The following PTPRU variants were observed in gnomAD, a reference collection of about 807,000 sequenced individuals.
The protein encoded by PTPRU is receptor-type tyrosine-protein phosphatase U.
Under a neutral mutation model 166.3 loss-of-function variants are expected in PTPRU, and 69 were observed. The ratio of observed to expected loss-of-function variants is 0.41; its 90% CI spans 0.34 to 0.51. The LOEUF (loss-of-function observed/expected upper bound fraction) is 0.51. PTPRU is among the 20% of genes least tolerant of loss of function. PTPRU has a pLI of 0.09. For missense variants in PTPRU, 1,657 were observed against 2,013.7 expected (o/e 0.82, Z 3.39); for synonymous variants, 793 against 814.0 (o/e 0.97, Z 0.44).
At chr1:29,275,935 G>T (rs1281922436) in intron 8 of PTPRU, among the ~76,000 whole-genome samples, 179 bp downstream of exon 8, 3 of 152,156 alleles carry the variant, frequency 2.0e-5, no homozygotes, top group Admixed American at 2.0e-4. Context: ...GGTTAGATTG[G>T]TCTAATTTCT....
intron 7 of PTPRU, among the ~76,000 whole-genome samples, chr1:29,274,054 G>C (rs1248878630): frequency 2.0e-5 from 3 of 151,800 alleles, no homozygotes; most frequent in African/African-American, 7.3e-5. Flanking sequence ...TTTTTGGGAC[G>C]GAGTCTCGCT....
chr1:29,250,789 C>T (rs1684512256), intron 1 of PTPRU, among the ~76,000 whole-genome samples: 1 of 152,214 alleles, frequency 6.6e-6, no homozygotes, highest in South Asian at 2.1e-4. Context: ...TCCTAGCTGA[C>T]CATTCCCATC....
At chr1:29,307,749 CTTTTT>C (rs201782011) in intron 18 of PTPRU, among the ~76,000 whole-genome samples, 1 of 117,246 alleles carries the variant, frequency 8.5e-6, no homozygotes, top group Non-Finnish European at 2.0e-5. Context: ...AAATATTATG[CTTTTT>C]TTTTTTTTTT....
At chr1:29,259,624 T>G in intron 5 of PTPRU, 60 bp downstream of exon 5, 1 of 1,448,844 alleles carries the variant, frequency 6.9e-7, no homozygotes, top group South Asian at 1.3e-5. Flanking sequence ...TGGCTGCTTC[T>G]GGCCCTGACT....
rs565516093 is a variant in PTPRU, at chr1:29,291,028, C to T, written c.2319-841C>T. ...TGTTCAGCCAGGCTGGCTGGCTGTC[C>T]TCTGTCCATGGCCCTATCTCCCCAC... On this transcript the variant is annotated intron_variant, in intron 14 of 29. Coordinates refer to ENST00000373779, the MANE Select transcript of PTPRU (RefSeq NM_133178.4). The surrounding 1 kb of genome is among the most constrained non-coding windows in gnomAD (Gnocchi z 4.1). Among the ~76,000 whole-genome samples, 9 of 152,336 alleles carry T rather than the reference C, an allele frequency of 5.9e-5. No individual in the cohort carries two copies. Among genetic ancestry groups the T allele is most frequent in the African/African-American group, 2.2e-4 (9 of 41,586 alleles).
In PTPRU at chr1:29,275,516, G is replaced by C. The variant is rs201530682; in HGVS notation, c.1213G>C (p.Glu405Gln). Residue 405 changes from glutamate to glutamine, a missense_variant, in exon 8 of 30, where the codon GAA becomes CAA. Transcript: ENST00000373779. The stretch of plus-strand genomic sequence containing the variant: ...GGCCCGTCAGCTGACCCTGCAGTGG[G>C]AACCACTGGGCTACAACGTGACGCG... ...IQARQLTLQW[E>Q]PLGYNVTRCH... 2 of 1,614,166 alleles carry C rather than the reference G, an allele frequency of 1.2e-6. No individual in the cohort carries two copies. Among genetic ancestry groups the C allele is most frequent in the Non-Finnish European group, 1.7e-6 (2 of 1,179,988 alleles).
rs566537845 is a variant in PTPRU at position 29,322,674 on chromosome 1, C to T, written c.3829-697C>T. ...TGGGAGAGGATGGGAGTCATTTTAC[C>T]GACGGAGAAACTGAGGCCAAGAGAA... On this transcript the variant is annotated intron_variant, in intron 26 of 29. Transcript: ENST00000373779. Among the ~76,000 whole-genome samples, 31 of 152,078 alleles carry T rather than the reference C, an allele frequency of 2.0e-4. 1 individual carries two copies. The highest frequency in any genetic ancestry group is 7.2e-4 in the Admixed American group (11 of 15,270).
intron 1 of PTPRU, among the ~76,000 whole-genome samples, chr1:29,244,974 T>C (rs942484427): frequency 3.3e-5 from 5 of 151,916 alleles, no homozygotes; most frequent in African/African-American, 1.2e-4. Flanking sequence ...GGGTGGTGGT[T>C]GGGGAGTGCC....
At chr1:29,243,786 G>A (rs1169899739) in intron 1 of PTPRU, among the ~76,000 whole-genome samples, 2 of 152,220 alleles carry the variant, frequency 1.3e-5, no homozygotes, top group Non-Finnish European at 2.9e-5. Context: ...GCTGCATCTC[G>A]ATGCCTCTGG....
At chr1:29,249,158 GCA>G (rs113055972) in intron 1 of PTPRU, among the ~76,000 whole-genome samples, 14 of 85,160 alleles carry the variant, frequency 1.6e-4, no homozygotes, top group East Asian at 6.1e-4. Flanking sequence ...GTGCACGTGT[GCA>G]CACACACACA....
chr1:29,290,780 A>G (rs1686594235), intron 14 of PTPRU, among the ~76,000 whole-genome samples: 1 of 152,278 alleles, frequency 6.6e-6, no homozygotes, highest in African/African-American at 2.4e-5. Context: ...AAGAATCTGT[A>G]TTAAATTCCA....
intron 1 of PTPRU, among the ~76,000 whole-genome samples, chr1:29,247,948 T>G (rs1684373172): frequency 6.6e-6 from 1 of 152,156 alleles, no homozygotes; most frequent in Admixed American, 6.5e-5. Flanking sequence ...TCCTGGGTGA[T>G]TAGAAAATGG....
intron 7 of PTPRU, among the ~76,000 whole-genome samples, chr1:29,269,411 ACAGCAG>A (rs1213383750): frequency 6.6e-6 from 1 of 151,050 alleles, no homozygotes; most frequent in Non-Finnish European, 1.5e-5. Context: ...AGTGTTTTTA[ACAGCAG>A]CAGCAGCAGC....
At position 29,291,830 on chromosome 1, in the gene PTPRU, C is replaced by T. The variant is rs755279071; in HGVS notation, c.2319-39C>T. On this transcript the variant is annotated intron_variant, in intron 14 of 29. Coordinates refer to ENST00000373779, the MANE Select transcript of PTPRU (RefSeq NM_133178.4). This position sits in a 1 kb window ranked among gnomAD's most constrained non-coding sequence, Gnocchi z 4.1. ...GCCACCTCTGGGTGCTGTCCAGCCC[C>T]ACACAATGCCTGTGTCTCCCCTCAA... 1.2e-6 allele frequency: 2 copies of T among 1,607,608 alleles called. No homozygotes were observed. The highest frequency in any genetic ancestry group is 3.4e-5 in the Admixed American group (2 of 59,248).
At chr1:29,274,772 C>A (rs537658971) in intron 7 of PTPRU, among the ~76,000 whole-genome samples, 7 of 152,094 alleles carry the variant, frequency 4.6e-5, no homozygotes, top group African/African-American at 1.7e-4. Context: ...AATTATTGGC[C>A]GGGTGCGGTG....
chr1:29,275,442 C>T lies in PTPRU; in HGVS notation c.1145-6C>T. The T allele has an allele frequency of 6.2e-7, 1 of 1,608,490 alleles. No homozygotes were observed. Among genetic ancestry groups the T allele is most frequent in the Non-Finnish European group, 8.5e-7 (1 of 1,175,220 alleles). ...ACTTCTTCTCTCTGCTTCCTGCATT[C>T]TCCAGAGCCCATGAGGGCCCCCAAA... On this transcript the variant is annotated splice_polypyrimidine_tract_variant and splice_region_variant and intron_variant, in intron 7 of 29. Coordinates refer to ENST00000373779, the MANE Select transcript of PTPRU (RefSeq NM_133178.4).
At chr1:29,270,394 C>G (rs1283232173) in intron 7 of PTPRU, among the ~76,000 whole-genome samples, 2 of 152,078 alleles carry the variant, frequency 1.3e-5, no homozygotes, top group Non-Finnish European at 2.9e-5. Context: ...GCTTCCTCTA[C>G]CTCCCGGGCT....
intron 18 of PTPRU, among the ~76,000 whole-genome samples, chr1:29,307,957 C>T (rs1253005951): frequency 6.6e-6 from 1 of 151,896 alleles, no homozygotes; most frequent in Non-Finnish European, 1.5e-5. Flanking sequence ...GATGGGGTTT[C>T]ACCATGTTAG....
intron 7 of PTPRU, among the ~76,000 whole-genome samples, chr1:29,274,661 A>G (rs1488330321): frequency 2.0e-5 from 3 of 152,224 alleles, no homozygotes; most frequent in Non-Finnish European, 2.9e-5. Flanking sequence ...CAAGTTTGGA[A>G]TTAATACCTT....
Sources: allele counts gnomAD v4.1 joint callset (sites outside exome capture counted in the v4.1 genomes callset), GRCh38; gene constraint gnomAD v4.1.1; non-coding constraint Gnocchi (gnomAD v3.1); transcripts MANE v1.5; gene names NCBI Gene and HGNC (gene_info 2026-07-23, HGNC 2026-07-21).